Variants in FHIT observed in about 807,000 individuals in gnomAD.
FHIT encodes fragile histidine triad diadenosine triphosphatase, also known as bis(5'-adenosyl)-triphosphatase.
Under a neutral mutation model 17.9 loss-of-function variants are expected in FHIT, and 19 were observed. The observed-to-expected ratio is 1.06, with a 90% CI of 0.74 to 1.56. The LOEUF (loss-of-function observed/expected upper bound fraction) is 1.56. Among genes scored for constraint, FHIT ranks in the 40% most tolerant of loss-of-function variants. The pLI is 0.00. For missense variants in FHIT, 248 were observed against 189.2 expected, an observed-to-expected ratio of 1.31 and a Z score of -1.82; for synonymous variants, 81 against 69.7, an observed-to-expected ratio of 1.16 and a Z score of -0.81.
At chr3:59,905,887 A>G (rs942334582) in intron 8 of FHIT, among the ~76,000 whole-genome samples, 2 of 150,996 alleles carry the variant, frequency 1.3e-5, no homozygotes, top group Non-Finnish European at 2.9e-5. Flanking sequence ...TGCATTGGAA[A>G]TTAAGTCAAT....
chr3:60,593,979 G>A (rs782667834), intron 4 of FHIT, among the ~76,000 whole-genome samples: 4 of 152,040 alleles, frequency 2.6e-5, no homozygotes, highest in African/African-American at 4.8e-5. Context: ...ATGCTCTATC[G>A]ACTTCTCATG....
intron 5 of FHIT, among the ~76,000 whole-genome samples, chr3:60,463,578 G>A (rs1178555955): frequency 6.6e-6 from 1 of 152,092 alleles, no homozygotes; most frequent in Non-Finnish European, 1.5e-5. Context: ...AAACGTCTAG[G>A]AAACCCATCA....
chr3:59,944,514 CTTTTTTTTTTA>C (rs1706699257), intron 7 of FHIT, among the ~76,000 whole-genome samples: 1 of 150,088 alleles, frequency 6.7e-6, no homozygotes, highest in South Asian at 2.1e-4. Flanking sequence ...ACATTTTTTT[CTTTTTTTTTTA>C]TTTAAACTTT....
intron 8 of FHIT, among the ~76,000 whole-genome samples, chr3:59,758,958 G>C (rs1396322705): frequency 2.0e-5 from 3 of 151,974 alleles, no homozygotes; most frequent in East Asian, 3.9e-4. Flanking sequence ...GGATGCATGG[G>C]AGTCAAAATA....
intron 3 of FHIT, among the ~76,000 whole-genome samples, chr3:60,996,674 G>C (rs901590013): frequency 6.6e-6 from 1 of 152,276 alleles, no homozygotes; most frequent in East Asian, 1.9e-4. Flanking sequence ...ATTAACCAAA[G>C]GGTCATATGG....
chr3:60,564,630 A>T (rs779432642), intron 4 of FHIT, among the ~76,000 whole-genome samples: 2 of 152,290 alleles, frequency 1.3e-5, no homozygotes, highest in South Asian at 4.1e-4. Flanking sequence ...GAGGGGTTCA[A>T]GACATCAGTG....
chr3:60,470,843 T>C (rs2033054544), intron 5 of FHIT, among the ~76,000 whole-genome samples: 1 of 152,180 alleles, frequency 6.6e-6, no homozygotes, highest in South Asian at 2.1e-4. Context: ...AGCAGGGCTC[T>C]GAGTCTCACT....
rs2038702104 is a variant in FHIT, at chr3:61,191,099, A to C, written c.-164+9518T>G. Among the ~76,000 whole-genome samples the C allele has an allele frequency of 2.0e-5, 3 of 152,116 alleles. No homozygotes were observed. The South Asian group carries it at 6.2e-4, about 32-fold the overall frequency. Reference sequence around the variant, plus strand: ...AGTATAATAAAAAAAAAATAAAATAAAAAAAGAAATTTTCCTGTTTCACCT... The same window carrying C: ...AGTATAATAAAAAAAAAATAAAATACAAAAAGAAATTTTCCTGTTTCACCT... On this transcript the variant is annotated intron_variant, in intron 2 of 9. Coordinates refer to ENST00000492590, the MANE Select transcript of FHIT (RefSeq NM_002012.4).
At chr3:59,987,243 CTG>C (rs1709025689) in intron 7 of FHIT, among the ~76,000 whole-genome samples, 1 of 150,582 alleles carries the variant, frequency 6.6e-6, no homozygotes, top group South Asian at 2.1e-4. Context: ...TCCTGAAACT[CTG>C]TAAAAGTTTT....
chr3:61,102,482 C>G (rs556189133), intron 2 of FHIT, among the ~76,000 whole-genome samples: 2 of 152,098 alleles, frequency 1.3e-5, no homozygotes, highest in Admixed American at 1.3e-4. Context: ...ATTTCTGCAT[C>G]GATGTTCATT....
chr3:59,882,697 A>C (rs17061326), intron 8 of FHIT, among the ~76,000 whole-genome samples: 6,000 of 152,268 alleles, frequency 0.039, 381 homozygotes, highest in African/African-American at 0.13. Flanking sequence ...GTACACTGTG[A>C]GGAAGAAGAC....
chr3:60,323,601 C>A (rs1709532141), intron 5 of FHIT, among the ~76,000 whole-genome samples: 1 of 152,188 alleles, frequency 6.6e-6, no homozygotes, highest in Non-Finnish European at 1.5e-5. Flanking sequence ...AGCAGATCCC[C>A]ATCTGTGTTG....
chr3:60,173,678 T>C (rs1345695352), intron 5 of FHIT, among the ~76,000 whole-genome samples: 1 of 151,252 alleles, frequency 6.6e-6, no homozygotes, highest in Admixed American at 6.6e-5. Flanking sequence ...GGCTGCAGAA[T>C]TTTGGAGAAT....
intron 5 of FHIT, among the ~76,000 whole-genome samples, chr3:60,192,080 G>A (rs1483950548): frequency 6.6e-6 from 1 of 151,800 alleles, no homozygotes; most frequent in African/African-American, 2.4e-5. Context: ...GCGAAACCCT[G>A]TCTCTACCAA....
At chr3:60,433,706 T>C (rs2029943692) in intron 5 of FHIT, among the ~76,000 whole-genome samples, 1 of 152,150 alleles carries the variant, frequency 6.6e-6, no homozygotes, top group African/African-American at 2.4e-5. Flanking sequence ...CTGTTGGCTA[T>C]TAGCATGTTT....
chr3:60,772,854 T>G (rs782086998), intron 4 of FHIT, among the ~76,000 whole-genome samples: 1 of 152,176 alleles, frequency 6.6e-6, no homozygotes, highest in East Asian at 1.9e-4. Flanking sequence ...CACCAACTGA[T>G]GGTTCCTCTG....
chr3:60,053,531 C>G (rs539466371), intron 5 of FHIT, among the ~76,000 whole-genome samples: 2 of 151,874 alleles, frequency 1.3e-5, no homozygotes, highest in South Asian at 2.1e-4. Context: ...AACACATTGC[C>G]TTCAGAGAGA....
chr3:60,238,809 C>G (rs1704955830), intron 5 of FHIT, among the ~76,000 whole-genome samples: 1 of 152,036 alleles, frequency 6.6e-6, no homozygotes, highest in Admixed American at 6.5e-5. Flanking sequence ...TACAACAAAG[C>G]AAAAAGAAAA....
intron 8 of FHIT, among the ~76,000 whole-genome samples, chr3:59,758,423 G>C (rs903668379): frequency 3.9e-5 from 6 of 152,058 alleles, no homozygotes; most frequent in African/African-American, 1.4e-4. Flanking sequence ...TTTAAAGATG[G>C]AATAGGCACG....
Sources: gnomAD v4.1 joint callset for allele counts (sites outside exome capture counted in the v4.1 genomes callset) on GRCh38, gnomAD v4.1.1 for gene constraint, MANE v1.5 for transcripts, NCBI Gene and HGNC (gene_info 2026-07-23, HGNC 2026-07-21) for gene names.